Variants in MRPS27 observed in about 807,000 individuals in gnomAD.
The protein encoded by MRPS27 is mitochondrial ribosomal protein S27, also known as small ribosomal subunit protein mS27.
A neutral mutation model predicts 48.9 loss-of-function variants in MRPS27; 43 were observed. That is an observed-to-expected ratio of 0.88 (90% CI 0.69 to 1.13). The LOEUF is 1.13. Ranked by LOEUF, MRPS27 falls within the 50% of genes most tolerant of loss-of-function variation. MRPS27 has a pLI of 0.00. For synonymous variants in MRPS27, 188 were observed against 171.9 expected, an observed-to-expected ratio of 1.09 and a Z score of -0.73; for missense variants, 467 against 476.3, an observed-to-expected ratio of 0.98 and a Z score of 0.18.
intron 4 of MRPS27, among the ~76,000 whole-genome samples, chr5:72,261,781 T>C (rs1003478955): frequency 6.6e-6 from 1 of 152,220 alleles, no homozygotes; most frequent in African/African-American, 2.4e-5. Context: ...TTCCTGTCAA[T>C]TGCCCATTAC....
At chr5:72,291,559 G>A (rs1749820280) in intron 4 of MRPS27, among the ~76,000 whole-genome samples, 1 of 152,156 alleles carries the variant, frequency 6.6e-6, no homozygotes, top group Non-Finnish European at 1.5e-5. Context: ...AATGTGATAT[G>A]AAAAAATCAA....
intron 4 of MRPS27, among the ~76,000 whole-genome samples, chr5:72,277,625 A>G (rs1399097351): frequency 6.6e-6 from 1 of 152,180 alleles, no homozygotes; most frequent in African/African-American, 2.4e-5. Flanking sequence ...AAGAAAAAAA[A>G]AGATACATGC....
intron 4 of MRPS27, among the ~76,000 whole-genome samples, chr5:72,273,936 T>A (rs1003766968): frequency 2.0e-5 from 3 of 152,226 alleles, no homozygotes; most frequent in Non-Finnish European, 4.4e-5. Flanking sequence ...GTAGTAACAC[T>A]TAGGTTAAAA....
Position 72,314,124 on chromosome 5 carries a change from G to A in MRPS27, c.108C>T (p.Asp36=), listed in dbSNP as rs1750510935. ...TTTCTCTTGCTTCCCATTTGTGGCT[G>A]TCTACATAGGCTGAAGAAAGCAGGT... is the stretch of plus-strand genomic sequence containing the variant. ...KRYLLSSAYV[D]SHKWEAREKE... The change falls in exon 2 of 11, where the codon GAC becomes GAT. Residue 36 remains aspartate (D), a synonymous_variant. Transcript: ENST00000261413. 6.2e-7 allele frequency: 1 copy of A among 1,613,080 alleles called. No individual in the cohort carries two copies. Among genetic ancestry groups the A allele is most frequent in the Non-Finnish European group, 8.5e-7 (1 of 1,179,444 alleles).
Position 72,295,566 on chromosome 5 carries a change from C to T in MRPS27, c.246G>A (p.Arg82=). The T allele has an allele frequency of 6.2e-7, 1 of 1,610,672 alleles. No individual in the cohort carries two copies. Among genetic ancestry groups the T allele is most frequent in the Non-Finnish European group, 8.5e-7 (1 of 1,177,124 alleles). ...ISRLIDNISS[R]EEIDHAEYYL... ...AATACTCTGCATGATCTATCTCTTC[C>T]CGAGAGGAAATGTTGTCTATAAGCT... The change falls in exon 4 of 11, where the codon CGG becomes CGA. Residue 82 remains arginine, a synonymous_variant. Transcript: ENST00000261413.
intron 4 of MRPS27, among the ~76,000 whole-genome samples, chr5:72,286,611 AAAGT>A (rs146741477): frequency 0.011 from 1,660 of 152,356 alleles, 26 homozygotes; most frequent in African/African-American, 0.038. Context: ...GTAGGGAAAG[AAAGT>A]ATTTTGCTCA....
chr5:72,318,025 G>A lies in MRPS27; in HGVS notation c.73+2124C>T, dbSNP rs373528974. 6.6e-5 allele frequency among the ~76,000 whole-genome samples: 10 copies of A among 152,196 alleles called. 1 individual carries two copies. The highest frequency in any genetic ancestry group is 2.2e-4 in the African/African-American group (9 of 41,522). ...TACACTAACACTAATGATAGCTGAT[G>A]GGCAAACAAACAAAACAAAAAATGC... On this transcript the variant is annotated intron_variant, in intron 1 of 10. Transcript: ENST00000261413.
intron 4 of MRPS27, among the ~76,000 whole-genome samples, chr5:72,282,246 C>G (rs1389495150): frequency 6.6e-6 from 1 of 152,154 alleles, no homozygotes; most frequent in Non-Finnish European, 1.5e-5. Flanking sequence ...GCCTCAAAAA[C>G]CATGATGCAA....
At position 72,314,090 on chromosome 5, in the gene MRPS27, A is replaced by G; in HGVS notation, c.142T>C (p.Tyr48His). Residue 48 changes from tyrosine (Y) to histidine (H), a missense_variant, in exon 2 of 11, where the codon TAC (tyrosine) becomes CAC (histidine). Tyr to His is a moderately conservative substitution (Grantham distance 83, BLOSUM62 2). Coordinates refer to ENST00000261413, the MANE Select transcript of MRPS27 (RefSeq NM_015084.3). ...HKWEAREKEH[Y>H]CLADLASLMD... is the part of the protein sequence containing the mutation. ...TCCAATAGGTACCTACCAAGACAGT[A>G]ATGTTCTTTTTCTCTTGCTTCCCAT... 1.2e-6 allele frequency: 2 copies of G among 1,612,320 alleles called. No individual in the cohort carries two copies. The highest frequency in any genetic ancestry group is 1.7e-6 in the Non-Finnish European group (2 of 1,178,766).
rs1310503374 is a variant in MRPS27, at chr5:72,302,158, A to G, written c.152-4456T>C. Among the ~76,000 whole-genome samples the G allele has an allele frequency of 3.3e-5, 5 of 152,240 alleles. No individual in the cohort carries two copies. In the East Asian group the frequency reaches 9.6e-4, roughly 29 times the overall value. ...GAAGTATGTCCAGAAAATAAAATGT[A>G]TACTAAAAATGCCCTTCCCATTTGA... is the stretch of plus-strand genomic sequence containing the variant. On this transcript the variant is annotated intron_variant, in intron 2 of 10. Transcript: ENST00000261413.
chr5:72,254,291 C>T (rs569558281), intron 4 of MRPS27, among the ~76,000 whole-genome samples: 7 of 152,226 alleles, frequency 4.6e-5, no homozygotes, highest in Admixed American at 1.3e-4. Context: ...TTCTCATAGC[C>T]GGTTCACACA....
chr5:72,237,243 G>A (rs907139640), intron 5 of MRPS27, among the ~76,000 whole-genome samples: 3 of 151,904 alleles, frequency 2.0e-5, no homozygotes, highest in African/African-American at 7.3e-5. Context: ...ACTTCCTGAG[G>A]GCAAGAACAG....
intron 2 of MRPS27, among the ~76,000 whole-genome samples, chr5:72,309,359 G>A (rs10474657): frequency 0.085 from 12,858 of 151,756 alleles, 766 homozygotes; most frequent in Non-Finnish European, 0.12. Context: ...TCTGCCTCCC[G>A]GGTTCGAGCG....
chr5:72,242,814 G>A (rs970887640), intron 4 of MRPS27, among the ~76,000 whole-genome samples: 11 of 152,078 alleles, frequency 7.2e-5, no homozygotes, highest in African/African-American at 2.7e-4. Context: ...ATTGTTGAAC[G>A]GCTAAAGTGG....
intron 10 of MRPS27, 74 bp from the exon 11 acceptor site, chr5:72,221,222 C>T: frequency 2.0e-6 from 3 of 1,529,416 alleles, no homozygotes; most frequent in Non-Finnish European, 2.7e-6. Context: ...GAAAAACTAG[C>T]CCTGAGTGAC....
intron 6 of MRPS27, among the ~76,000 whole-genome samples, chr5:72,232,760 A>C (rs966639944): frequency 6.6e-6 from 1 of 152,206 alleles, no homozygotes; most frequent in Non-Finnish European, 1.5e-5. Flanking sequence ...TCTATTTTAC[A>C]TACCAGAACG....
intron 4 of MRPS27, among the ~76,000 whole-genome samples, chr5:72,251,157 G>A (rs960109896): frequency 2.0e-5 from 3 of 152,174 alleles, no homozygotes; most frequent in East Asian, 1.9e-4. Context: ...CTTGCAGAGC[G>A]CTGGGTACCT....
chr5:72,241,377 C>T, intron 4 of MRPS27: 1 of 522,354 alleles, frequency 1.9e-6, no homozygotes, highest in South Asian at 2.7e-5. Context: ...AATATGCTGC[C>T]CAAAATGCAA....
intron 4 of MRPS27, among the ~76,000 whole-genome samples, chr5:72,290,704 C>A (rs143453349): frequency 6.6e-6 from 1 of 151,996 alleles, no homozygotes; most frequent in African/African-American, 2.4e-5. Context: ...AACAAGAGGG[C>A]GTGTGGATAG....
Sources: gnomAD v4.1 joint callset for allele counts (sites outside exome capture counted in the v4.1 genomes callset) on GRCh38, gnomAD v4.1.1 for gene constraint, MANE v1.5 for transcripts, NCBI Gene and HGNC (gene_info 2026-07-23, HGNC 2026-07-21) for gene names.